The following UST variants were observed in gnomAD, a reference collection of about 807,000 sequenced individuals.
UST encodes uronyl 2-sulfotransferase.
In UST, 21 loss-of-function variants were observed where a neutral mutation model predicts 45.6. That is an observed-to-expected ratio of 0.46 (90% CI 0.33 to 0.66). The LOEUF (loss-of-function observed/expected upper bound fraction) is 0.66, where lower values mean the gene tolerates loss of function less well. UST is among the 30% of genes least tolerant of loss of function. The pLI is 0.02. For synonymous variants in UST, 215 were observed against 200.6 expected (o/e 1.07, Z -0.61); for missense variants, 463 against 512.4 (o/e 0.90, Z 0.93).
intron 1 of UST, among the ~76,000 whole-genome samples, chr6:148,753,757 T>A (rs1290189771): frequency 6.6e-6 from 1 of 152,184 alleles, no homozygotes; most frequent in Non-Finnish European, 1.5e-5. Flanking sequence ...TGCCAAGCTG[T>A]TTCTACAGTG....
intron 2 of UST, among the ~76,000 whole-genome samples, chr6:148,911,703 T>C (rs1779478345): frequency 6.8e-6 from 1 of 148,028 alleles, no homozygotes; most frequent in African/African-American, 2.5e-5. Context: ...AGATAGAAAG[T>C]AATTATCAGA....
At chr6:148,903,331 A>G (rs567649470) in intron 2 of UST, among the ~76,000 whole-genome samples, 1 of 152,344 alleles carries the variant, frequency 6.6e-6, no homozygotes, top group Admixed American at 6.5e-5. Flanking sequence ...ATACATGTCA[A>G]ATGAATGAAT....
intron 2 of UST, among the ~76,000 whole-genome samples, chr6:148,925,470 C>A (rs1171080381): frequency 6.6e-6 from 1 of 152,056 alleles, no homozygotes. Context: ...AGAGAAAAAA[C>A]CTTTAAAGTT....
At chr6:148,896,444 T>C (rs1365318008) in intron 2 of UST, among the ~76,000 whole-genome samples, 1 of 152,212 alleles carries the variant, frequency 6.6e-6, no homozygotes, top group Non-Finnish European at 1.5e-5. Flanking sequence ...CCATTGCTGC[T>C]GCTAAGAGGG....
rs988333222 is a variant in UST, at chr6:148,869,748, G to A, written c.248-17238G>A. On this transcript the variant is annotated intron_variant, in intron 1 of 7. Coordinates refer to ENST00000367463, the MANE Select transcript of UST (RefSeq NM_005715.3). Reference sequence around the variant, plus strand: ...TTAATGCAGTTTATTTGAAACATCCGGTAGAATGTTCCTTCTTACCCGTTT... The same window carrying A: ...TTAATGCAGTTTATTTGAAACATCCAGTAGAATGTTCCTTCTTACCCGTTT... Among the ~76,000 whole-genome samples, 18 of 152,168 alleles carry A rather than the reference G, an allele frequency of 1.2e-4. No individual in the cohort carries two copies. In the South Asian group the frequency reaches 1.5e-3, roughly 12 times the overall value.
intron 2 of UST, among the ~76,000 whole-genome samples, chr6:148,940,426 G>A (rs992717370): frequency 1.3e-5 from 2 of 152,116 alleles, no homozygotes; most frequent in Non-Finnish European, 2.9e-5. Flanking sequence ...CCCGGGAGAC[G>A]GAGGTTGGTG....
In UST at chr6:148,834,355, A is replaced by G. The variant is rs530930035; in HGVS notation, c.248-52631A>G. ...ATTAGATTTTTCTAGGTGAAAGTAA[A>G]TCATTTCTGAGGAAGCATTCTCTTT... On this transcript the variant is annotated intron_variant, in intron 1 of 7. Transcript: ENST00000367463. Among the ~76,000 whole-genome samples, 65 of 152,340 alleles carry G rather than the reference A, an allele frequency of 4.3e-4. No individual in the cohort carries two copies. In the South Asian group the frequency reaches 0.011, roughly 26 times the overall value.
At position 148,747,656 on chromosome 6, in the gene UST, C is replaced by T. The variant is rs1775896875; in HGVS notation, c.226C>T (p.Leu76Phe). Reference protein sequence around the residue: ...QLSGGPPRFLLDLRQYLGNST... With the variant: ...QLSGGPPRFLFDLRQYLGNST... ...CAGCGGGGGACCCCCTCGCTTCCTGCTCGACCTGCGGCAGTACTTGGGTAA... is the reference window on the plus strand; with the variant it reads ...CAGCGGGGGACCCCCTCGCTTCCTGTTCGACCTGCGGCAGTACTTGGGTAA... Residue 76 changes from leucine to phenylalanine, a missense_variant, in exon 1 of 8, where the codon CTC (leucine) becomes TTC (phenylalanine). Physicochemically the swap from Leu to Phe is conservative, Grantham distance 22. Coordinates refer to ENST00000367463, the MANE Select transcript of UST (RefSeq NM_005715.3). 6.2e-7 allele frequency: 1 copy of T among 1,600,852 alleles called. No individual in the cohort carries two copies. The highest frequency in any genetic ancestry group is 8.5e-7 in the Non-Finnish European group (1 of 1,175,198).
intron 2 of UST, among the ~76,000 whole-genome samples, chr6:148,903,463 ATTAT>A (rs1455030565): frequency 6.6e-6 from 1 of 152,220 alleles, no homozygotes; most frequent in African/African-American, 2.4e-5. Context: ...TTAACAAAAT[ATTAT>A]TTTTAAATTT....
At chr6:149,007,372 C>G (rs1468585264) in intron 5 of UST, among the ~76,000 whole-genome samples, 1 of 150,176 alleles carries the variant, frequency 6.7e-6, no homozygotes, top group East Asian at 1.9e-4. Context: ...ACTGCAAGCT[C>G]TGCCTTCTGG....
intron 2 of UST, among the ~76,000 whole-genome samples, chr6:148,925,229 C>T (rs17079955): frequency 0.032 from 4,863 of 152,152 alleles, 285 homozygotes; most frequent in African/African-American, 0.11. Flanking sequence ...GAAGAGCCCA[C>T]CGATTAAAGC....
At chr6:149,035,579 AC>A (rs754571571) in intron 7 of UST, among the ~76,000 whole-genome samples, 38 of 151,810 alleles carry the variant, frequency 2.5e-4, no homozygotes, top group Non-Finnish European at 4.7e-4. Context: ...ACATGGTGAA[AC>A]CTGTCTCTAC....
intron 1 of UST, among the ~76,000 whole-genome samples, chr6:148,861,809 T>C (rs1398987122): frequency 1.3e-5 from 2 of 152,216 alleles, no homozygotes; most frequent in East Asian, 3.8e-4. Flanking sequence ...TGAGCGGTAT[T>C]GCGGGTGTTC....
chr6:148,999,075 A>T (rs17081135), intron 5 of UST, among the ~76,000 whole-genome samples: 2,130 of 152,368 alleles, frequency 0.014, 58 homozygotes, highest in African/African-American at 0.048. Context: ...TATAGGTCAT[A>T]TAATGTCATT....
At chr6:148,844,848 A>G (rs80255311) in intron 1 of UST, among the ~76,000 whole-genome samples, 1,596 of 152,164 alleles carry the variant, frequency 0.01, 20 homozygotes, top group Admixed American at 0.021. Flanking sequence ...TATGTGCTTA[A>G]TGGTTACCTC....
chr6:148,923,948 T>C (rs1458888205), intron 2 of UST, among the ~76,000 whole-genome samples: 3 of 152,182 alleles, frequency 2.0e-5, no homozygotes, highest in Admixed American at 1.3e-4. Flanking sequence ...TAAATAATAT[T>C]GGTGATATTT....
chr6:148,834,294 T>C (rs542383009), intron 1 of UST, among the ~76,000 whole-genome samples: 1 of 152,322 alleles, frequency 6.6e-6, no homozygotes, highest in African/African-American at 2.4e-5. Flanking sequence ...TTTAGTTACA[T>C]CTTACAGGAA....
Position 149,001,206 on chromosome 6 carries a change from G to A in UST, c.682-17933G>A, listed in dbSNP as rs141701715. Among the ~76,000 whole-genome samples the A allele has an allele frequency of 9.7e-3, 1,472 of 152,014 alleles. 25 individuals carry two copies. Among genetic ancestry groups the A allele is most frequent in the African/African-American group, 0.033 (1,363 of 41,444 alleles). On this transcript the variant is annotated intron_variant, in intron 5 of 7. Transcript: ENST00000367463. ...CCTGCGTCAGCCTCCTGAGTAGCTGGGACTGCAGGCACCTACCACCACGCC... is the reference window on the plus strand; with the variant it reads ...CCTGCGTCAGCCTCCTGAGTAGCTGAGACTGCAGGCACCTACCACCACGCC...
At chr6:148,812,397 T>C (rs1777275756) in intron 1 of UST, among the ~76,000 whole-genome samples, 1 of 152,266 alleles carries the variant, frequency 6.6e-6, no homozygotes, top group Admixed American at 6.5e-5. Flanking sequence ...GGTTATTTAT[T>C]GCAATGTAAC....
Sources: gnomAD v4.1 joint callset for allele counts (sites outside exome capture counted in the v4.1 genomes callset) on GRCh38, gnomAD v4.1.1 for gene constraint, MANE v1.5 for transcripts, NCBI Gene and HGNC (gene_info 2026-07-23, HGNC 2026-07-21) for gene names.